The following SEH1L variants were observed in gnomAD, a reference collection of about 807,000 sequenced individuals.
SEH1L encodes the protein SEH1 like nucleoporin.
In SEH1L, 18 loss-of-function variants were observed where a neutral mutation model predicts 49.5. The observed-to-expected ratio is 0.36, with a 90% CI of 0.25 to 0.54. The LOEUF (loss-of-function observed/expected upper bound fraction) is 0.54. Among genes scored for constraint, SEH1L ranks in the 20% least tolerant of loss-of-function variants. SEH1L has a pLI of 0.87. For synonymous variants in SEH1L, 169 were observed against 178.1 expected, an observed-to-expected ratio of 0.95 and a Z score of 0.41; for missense variants, 404 against 528.8, an observed-to-expected ratio of 0.76 and a Z score of 2.31.
intron 6 of SEH1L, among the ~76,000 whole-genome samples, chr18:12,981,850 A>AATTTTTTTTTTTTTTTTTT (rs2032279165): frequency 1.1e-5 from 1 of 88,184 alleles, no homozygotes; most frequent in African/African-American, 5.7e-5. Context: ...TGCCCTGCCC[A>AATTTTTTTTTTTTTTTTTT]TTTTTTTTTT....
intron 3 of SEH1L, among the ~76,000 whole-genome samples, chr18:12,959,959 ATC>A (rs1277811409): frequency 6.6e-6 from 1 of 152,184 alleles, no homozygotes; most frequent in African/African-American, 2.4e-5. Context: ...GGAGGGCAAG[ATC>A]TCTCGAATCC....
intron 5 of SEH1L, 147 bp from the exon 6 acceptor site, chr18:12,978,605 T>C (rs2032024655): frequency 3.3e-6 from 2 of 608,142 alleles, no homozygotes; most frequent in East Asian, 5.5e-5. Context: ...GACTTGGACA[T>C]ATTCTTTTGG....
chr18:12,950,445 A>G (rs1010127848), intron 1 of SEH1L, among the ~76,000 whole-genome samples: 37 of 152,192 alleles, frequency 2.4e-4, no homozygotes, highest in Non-Finnish European at 4.9e-4. Flanking sequence ...TTAGAAAGTG[A>G]AAAAATTATA....
intron 3 of SEH1L, among the ~76,000 whole-genome samples, chr18:12,962,502 C>T (rs35368962): frequency 0.43 from 49,353 of 114,150 alleles, 9,904 homozygotes; most frequent in Middle Eastern, 0.64. Context: ...GGGTCTTACT[C>T]TGTCACCCAG....
At chr18:12,980,085 AC>A (rs367997247) in intron 6 of SEH1L, among the ~76,000 whole-genome samples, 34,358 of 51,150 alleles carry the variant, frequency 0.67, 11,102 homozygotes, top group African/African-American at 0.82. Flanking sequence ...CGGGGGGCTG[AC>A]CCCCCCCCAC....
intron 5 of SEH1L, chr18:12,974,141 T>G (rs1179441963): frequency 6.6e-6 from 1 of 152,218 alleles, no homozygotes; most frequent in East Asian, 1.9e-4. Context: ...TAATCAAACC[T>G]ATTAAGTTCA....
intron 6 of SEH1L, among the ~76,000 whole-genome samples, chr18:12,980,375 C>CA (rs1246207228): frequency 9.8e-4 from 91 of 92,964 alleles, no homozygotes; most frequent in Non-Finnish European, 1.1e-3. Context: ...GGGGGGCTGA[C>CA]CCCCCCACCT....
chr18:12,978,875 T>G lies in SEH1L; in HGVS notation c.744T>G (p.Phe248Leu). 6.2e-7 allele frequency: 1 copy of G among 1,614,080 alleles called. No homozygotes were observed. Among genetic ancestry groups the G allele is most frequent in the Admixed American group, 1.7e-5 (1 of 60,022 alleles). ...TAGCGACCAAAGATGTGAGAATTTT[T>G]ACATTAAAGCCTGTGAGGTGAGTTT... Reference protein sequence around the residue: ...LAIATKDVRIFTLKPVRKELT... With the variant: ...LAIATKDVRILTLKPVRKELT... The change falls in exon 6 of 9, where the codon TTT (phenylalanine) becomes TTG (leucine). Residue 248 changes from phenylalanine to leucine, a missense_variant. Physicochemically the swap from Phe to Leu is conservative, Grantham distance 22. This residue lies in a region of SEH1L where 342 missense variants were observed against 430.8 expected (regional missense o/e 0.79). Coordinates refer to ENST00000399892, the MANE Select transcript of SEH1L (RefSeq NM_001013437.2).
At chr18:12,971,322 C>T (rs1033794842) in intron 5 of SEH1L, 71 bp downstream of exon 5, 20 of 1,012,650 alleles carry the variant, frequency 2.0e-5, no homozygotes, top group Non-Finnish European at 2.9e-5. Flanking sequence ...TTTCTTTATT[C>T]ATTTACAGAA....
At chr18:12,958,286 A>G (rs981460693) in intron 3 of SEH1L, among the ~76,000 whole-genome samples, 5 of 151,220 alleles carry the variant, frequency 3.3e-5, no homozygotes, top group African/African-American at 1.2e-4. Context: ...GGGTTTCACC[A>G]TGTTGGTCAG....
At chr18:12,981,849 C>CTTTTTTTTTTTTTTTTTTTTTTTTTTTT in intron 6 of SEH1L, among the ~76,000 whole-genome samples, 1 of 102,502 alleles carries the variant, frequency 9.8e-6, no homozygotes, top group Admixed American at 1.0e-4. Flanking sequence ...CTGCCCTGCC[C>CTTTTTTTTTTTTTTTTTTTTTTTTTTTT]ATTTTTTTTT....
At chr18:12,956,524 A>G (rs961773594) in intron 3 of SEH1L, among the ~76,000 whole-genome samples, 1 of 147,818 alleles carries the variant, frequency 6.8e-6, no homozygotes, top group Non-Finnish European at 1.5e-5. Flanking sequence ...ACTTATTCAT[A>G]TTTCATAAAC....
intron 3 of SEH1L, among the ~76,000 whole-genome samples, chr18:12,960,254 C>T (rs2031106972): frequency 1.3e-5 from 2 of 152,178 alleles, no homozygotes; most frequent in Non-Finnish European, 1.5e-5. Context: ...AAGGGATATT[C>T]AGCAAAAAGT....
chr18:12,949,217 C>T (rs2030338887), intron 1 of SEH1L, among the ~76,000 whole-genome samples: 1 of 151,500 alleles, frequency 6.6e-6, no homozygotes. Context: ...TAGGAACCTC[C>T]CAGATGTGTT....
intron 4 of SEH1L, among the ~76,000 whole-genome samples, chr18:12,965,353 A>G (rs2031402073): frequency 6.6e-6 from 1 of 152,206 alleles, no homozygotes; most frequent in Non-Finnish European, 1.5e-5. Context: ...GGCAAGATTT[A>G]TAATATTTAC....
chr18:12,979,144 T>C (rs2145658149), intron 6 of SEH1L, among the ~76,000 whole-genome samples: 1 of 150,070 alleles, frequency 6.7e-6, no homozygotes, highest in African/African-American at 2.5e-5. Context: ...CATAGGACAA[T>C]AGTGGAGGGA....
intron 2 of SEH1L, among the ~76,000 whole-genome samples, chr18:12,955,035 T>C (rs539954005): frequency 1.3e-5 from 2 of 152,318 alleles, no homozygotes; most frequent in African/African-American, 4.8e-5. Context: ...ATAAATCTAA[T>C]GTTATTTATT....
At chr18:12,951,784 T>C (rs1433562918) in intron 1 of SEH1L, 71 bp from the exon 2 acceptor site, 3 of 886,166 alleles carry the variant, frequency 3.4e-6, no homozygotes, top group Middle Eastern at 4.3e-4. Flanking sequence ...GTACACTGAT[T>C]CAGTCTTATA....
chr18:12,959,616 C>T (rs2031076277), intron 3 of SEH1L, among the ~76,000 whole-genome samples: 1 of 152,202 alleles, frequency 6.6e-6, no homozygotes, highest in African/African-American at 2.4e-5. Context: ...ATTTGATATG[C>T]ACAACCTGTA....
Sources: gnomAD v4.1 joint callset for allele counts (sites outside exome capture counted in the v4.1 genomes callset) on GRCh38, gnomAD v4.1.1 for gene constraint, gnomAD v4.1.1 regional missense constraint, MANE v1.5 for transcripts, NCBI Gene and HGNC (gene_info 2026-07-23, HGNC 2026-07-21) for gene names.